Variants in KANSL1L observed in about 807,000 individuals in gnomAD.
KANSL1L encodes KAT8 regulatory NSL complex subunit 1 like.
KANSL1L carries 25 observed loss-of-function variants against 108.6 expected under a neutral mutation model. The observed-to-expected ratio is 0.23, with a 90% confidence interval of 0.17 to 0.32. The LOEUF is 0.32. Among genes scored for constraint, KANSL1L ranks in the 10% least tolerant of loss-of-function variants. The pLI is 1.00. For synonymous variants in KANSL1L, 405 were observed against 395.1 expected (o/e 1.03, Z -0.30); for missense variants, 1,137 against 1,125.7 (o/e 1.01, Z -0.14).
intron 1 of KANSL1L, among the ~76,000 whole-genome samples, chr2:210,158,075 A>G (rs1308928370): frequency 6.6e-6 from 1 of 152,226 alleles, no homozygotes; most frequent in Non-Finnish European, 1.5e-5. Flanking sequence ...TAGGACAGGT[A>G]GCTTCCAAAA....
At chr2:210,131,289 C>G (rs2095117674) in intron 2 of KANSL1L, among the ~76,000 whole-genome samples, 1 of 152,074 alleles carries the variant, frequency 6.6e-6, no homozygotes, top group Admixed American at 6.6e-5. Context: ...ATGGCTTTGA[C>G]TGGGAAGGAG....
In KANSL1L at chr2:210,075,699, C is replaced by T; in HGVS notation, c.1608G>A (p.Lys536=). 6.2e-7 allele frequency: 1 copy of T among 1,613,878 alleles called. No homozygotes were observed. The highest frequency in any genetic ancestry group is 8.5e-7 in the Non-Finnish European group (1 of 1,179,844). ...SSSSSWLLNQ[K]HSKKKRKDRT... ...TGTCTTTTCTCTTTTTCTTACTGTG[C>T]TTCTGGTTAAGTAACCAGCTACTGG... Residue 536 remains lysine, a synonymous_variant, in exon 6 of 15, where the codon AAG becomes AAA. Coordinates refer to ENST00000281772, the MANE Select transcript of KANSL1L (RefSeq NM_152519.4).
chr2:210,070,094 G>A (rs1048899637), intron 6 of KANSL1L, among the ~76,000 whole-genome samples: 17 of 150,302 alleles, frequency 1.1e-4, no homozygotes, highest in African/African-American at 4.2e-4. Context: ...CTCCCAAAGT[G>A]CTGAGATTAC....
chr2:210,128,372 G>T (rs979028667), intron 3 of KANSL1L, among the ~76,000 whole-genome samples: 1 of 151,932 alleles, frequency 6.6e-6, no homozygotes, highest in African/African-American at 2.4e-5. Flanking sequence ...GTCCATCAAC[G>T]GATGAATGAA....
intron 4 of KANSL1L, among the ~76,000 whole-genome samples, chr2:210,099,645 G>A (rs926114800): frequency 6.6e-6 from 1 of 152,096 alleles, no homozygotes; most frequent in Non-Finnish European, 1.5e-5. Flanking sequence ...ACATCTTCCG[G>A]TTGGAAACAC....
chr2:210,115,963 T>C (rs1034175537), intron 3 of KANSL1L, among the ~76,000 whole-genome samples: 10 of 152,212 alleles, frequency 6.6e-5, no homozygotes, highest in Admixed American at 5.9e-4. Flanking sequence ...AGCATCTTTA[T>C]AAGAGCTAAA....
At chr2:210,067,417 G>A (rs2094474004) in intron 6 of KANSL1L, among the ~76,000 whole-genome samples, 1 of 152,098 alleles carries the variant, frequency 6.6e-6, no homozygotes, top group South Asian at 2.1e-4. Flanking sequence ...ATGTATGTTA[G>A]TCTGGGTGCA....
At chr2:210,071,967 A>G (rs1044271549) in intron 6 of KANSL1L, among the ~76,000 whole-genome samples, 1 of 152,200 alleles carries the variant, frequency 6.6e-6, no homozygotes, top group African/African-American at 2.4e-5. Context: ...TAATATTTCA[A>G]TGTGTATTTC....
At chr2:210,096,617 C>G (rs1341261779) in intron 5 of KANSL1L, 1 of 985,142 alleles carries the variant, frequency 1.0e-6, no homozygotes, top group Non-Finnish European at 1.2e-6. Context: ...TGCTTATACA[C>G]CAATTTGATG....
chr2:210,162,162 T>C (rs922648792), intron 1 of KANSL1L, among the ~76,000 whole-genome samples: 7 of 146,620 alleles, frequency 4.8e-5, no homozygotes, highest in African/African-American at 1.5e-4. Flanking sequence ...GGTCTTCATA[T>C]CCAAGTGTAT....
intron 3 of KANSL1L, among the ~76,000 whole-genome samples, chr2:210,110,686 T>C (rs938160614): frequency 6.6e-6 from 1 of 152,116 alleles, no homozygotes; most frequent in Non-Finnish European, 1.5e-5. Flanking sequence ...TTTGAACCTC[T>C]CAATCTATGA....
chr2:210,056,844 T>C (rs2094356638), intron 6 of KANSL1L, among the ~76,000 whole-genome samples: 1 of 152,196 alleles, frequency 6.6e-6, no homozygotes, highest in Admixed American at 6.5e-5. Flanking sequence ...AGGTAGCCTT[T>C]TTCTTCTTTT....
intron 6 of KANSL1L, among the ~76,000 whole-genome samples, chr2:210,048,477 T>TA (rs889443685): frequency 1.3e-5 from 2 of 151,906 alleles, no homozygotes; most frequent in Admixed American, 6.6e-5. Context: ...GTATTTTCCT[T>TA]AAAAAAAATT....
chr2:210,102,456 A>G (rs1315506500), intron 4 of KANSL1L, among the ~76,000 whole-genome samples: 2 of 152,332 alleles, frequency 1.3e-5, no homozygotes, highest in East Asian at 3.9e-4. Context: ...AAAAGCCAAA[A>G]TTGACAAATG....
chr2:210,120,475 C>T (rs1190184116), intron 3 of KANSL1L, among the ~76,000 whole-genome samples: 3 of 152,148 alleles, frequency 2.0e-5, no homozygotes, highest in Admixed American at 6.5e-5. Context: ...CCCCTCCTTA[C>T]ACCACATACA....
intron 6 of KANSL1L, among the ~76,000 whole-genome samples, chr2:210,074,602 G>A (rs1019307790): frequency 6.6e-6 from 1 of 152,128 alleles, no homozygotes; most frequent in Non-Finnish European, 1.5e-5. Context: ...TGATCCCTCT[G>A]CCTTGGCCTC....
At chr2:210,138,002 C>T (rs997640962) in intron 2 of KANSL1L, among the ~76,000 whole-genome samples, 1 of 151,858 alleles carries the variant, frequency 6.6e-6, no homozygotes, top group African/African-American at 2.4e-5. Flanking sequence ...CTGCACTCCA[C>T]CCTGGGCAAC....
intron 3 of KANSL1L, among the ~76,000 whole-genome samples, chr2:210,122,427 G>A (rs552839146): frequency 9.9e-5 from 15 of 152,034 alleles, no homozygotes; most frequent in East Asian, 5.8e-4. Flanking sequence ...AGAACTTGGG[G>A]AAAAAACAGT....
intron 3 of KANSL1L, among the ~76,000 whole-genome samples, chr2:210,113,645 T>G (rs2094929132): frequency 6.6e-6 from 1 of 151,976 alleles, no homozygotes. Flanking sequence ...AACAACTGTC[T>G]TAAAGATGCA....
Sources: gnomAD v4.1 joint callset for allele counts (sites outside exome capture counted in the v4.1 genomes callset) on GRCh38, gnomAD v4.1.1 for gene constraint, MANE v1.5 for transcripts, NCBI Gene and HGNC (gene_info 2026-07-23, HGNC 2026-07-21) for gene names.